Variants in NR2E3 observed in about 807,000 individuals in gnomAD.
NR2E3 encodes photoreceptor-specific nuclear receptor.
Under a neutral mutation model 37.6 loss-of-function variants are expected in NR2E3, and 38 were observed. That is an observed-to-expected ratio of 1.01 (90% CI 0.78 to 1.33). The LOEUF (loss-of-function observed/expected upper bound fraction) is 1.33. NR2E3 is among the 40% of genes most tolerant of loss of function. NR2E3 has a pLI of 0.00. For missense variants in NR2E3, 562 were observed against 558.7 expected (o/e 1.01, Z -0.06); for synonymous variants, 235 against 225.1 (o/e 1.04, Z -0.39).
In NR2E3 at chr15:71,811,102, G is replaced by C. The variant is rs2054175074; in HGVS notation, c.118+241G>C. On this transcript the variant is annotated intron_variant, in intron 1 of 7. Coordinates refer to ENST00000617575, the MANE Select transcript of NR2E3 (RefSeq NM_014249.4). The surrounding 1 kb of genome is among the most constrained non-coding windows in gnomAD (Gnocchi z 5.6). ...CAGGACAGCCTAGCCGATGGGGAAGGAAAGAACAGAGAAGCGCCCTTAGGG... is the reference window on the plus strand; with the variant it reads ...CAGGACAGCCTAGCCGATGGGGAAGCAAAGAACAGAGAAGCGCCCTTAGGG... Among the ~76,000 whole-genome samples, 2 of 152,168 alleles carry C rather than the reference G, an allele frequency of 1.3e-5. No individual in the cohort carries two copies. The highest frequency in any genetic ancestry group is 1.3e-4 in the Admixed American group (2 of 15,284).
chr15:71,811,815 CAGTGCCAGGCCTGCCGGCTGAAGA>C lies in NR2E3; in HGVS notation c.302_325del (p.Gln101_Cys108del), dbSNP rs766232933. 6.4e-7 allele frequency: 1 copy of C among 1,551,422 alleles called. No homozygotes were observed. The highest frequency in any genetic ancestry group is 8.7e-7 in the Non-Finnish European group (1 of 1,147,056). Reference sequence around the variant, plus strand: ...CCCCGTGGACAAGGCCCACCGCAACCAGTGCCAGGCCTGCCGGCTGAAGAAGTGCCTGCAGGCGGGGATGAACCA... The same window carrying C: ...CCCCGTGGACAAGGCCCACCGCAACCAGTGCCTGCAGGCGGGGATGAACCA... On this transcript the variant is annotated inframe_deletion, in exon 3 of 8. Transcript: ENST00000617575. This position sits in a 1 kb window ranked among gnomAD's most constrained non-coding sequence, Gnocchi z 5.6.
chr15:71,814,681 G>C, intron 7 of NR2E3: 1 of 986,186 alleles, frequency 1.0e-6, no homozygotes. Flanking sequence ...GGGAGGCAGA[G>C]GGCAGCTACT....
intron 7 of NR2E3, among the ~76,000 whole-genome samples, chr15:71,815,808 C>CT (rs1404145824): frequency 6.6e-6 from 1 of 152,092 alleles, no homozygotes; most frequent in Non-Finnish European, 1.5e-5. Flanking sequence ...TTTCTCTTTT[C>CT]TTTTTTTGAA....
intron 7 of NR2E3, 34 bp downstream of exon 7, chr15:71,814,151 C>G (rs1396111309): frequency 6.3e-7 from 1 of 1,594,074 alleles, no homozygotes; most frequent in Non-Finnish European, 8.5e-7. Flanking sequence ...ACTCATCTGT[C>G]CCTGACCTCT....
Position 71,810,756 on chromosome 15 carries a change from C to A in NR2E3, c.13C>A (p.Pro5Thr). 2 of 1,571,230 alleles carry A rather than the reference C, an allele frequency of 1.3e-6. No individual in the cohort carries two copies. The highest frequency in any genetic ancestry group is 1.7e-6 in the Non-Finnish European group (2 of 1,158,870). METR[P>T]TALMSSTVAA... is the part of the protein sequence containing the mutation. ...TGCCCTGTAACCCATGGAGACCAGA[C>A]CAACAGCTCTGATGAGCTCCACAGT... The change falls in exon 1 of 8, where the codon CCA becomes ACA. Residue 5 changes from proline (P) to threonine (T), a missense_variant. By Grantham distance (38) the Pro-to-Thr change is conservative. Transcript: ENST00000617575.
Position 71,812,039 on chromosome 15 carries a change from C to T in NR2E3, c.434C>T (p.Ser145Phe). The change falls in exon 4 of 8, where the codon TCC becomes TTC. Residue 145 changes from serine to phenylalanine, a missense_variant. By Grantham distance (155) the Ser-to-Phe change is radical (BLOSUM62 -2). Transcript: ENST00000617575. ...TCCAACACTGAGTCCCGGCCGGAGT[C>T]CCTGGTGGCTCCCCCGGCCCCGGCA... The part of the protein sequence containing the change: ...MESNTESRPE[S>F]LVAPPAPAGR... The T allele has an allele frequency of 1.9e-6, 3 of 1,554,286 alleles. No homozygotes were observed. The highest frequency in any genetic ancestry group is 2.6e-6 in the Non-Finnish European group (3 of 1,149,094).
intron 7 of NR2E3, among the ~76,000 whole-genome samples, chr15:71,816,033 C>G (rs927521839): frequency 2.6e-5 from 4 of 152,266 alleles, no homozygotes; most frequent in Admixed American, 2.6e-4. Context: ...AAAGGAAGGC[C>G]TTAGGTTGGC....
At position 71,811,533 on chromosome 15, in the gene NR2E3, A is replaced by G; in HGVS notation, c.169A>G (p.Lys57Glu). Residue 57 changes from lysine (K) to glutamate (E), a missense_variant, in exon 2 of 8, where the codon AAG (lysine) becomes GAG (glutamate). Physicochemically the swap from Lys to Glu is moderately conservative, Grantham distance 56. Coordinates refer to ENST00000617575, the MANE Select transcript of NR2E3 (RefSeq NM_014249.4). The surrounding 1 kb of genome is among the most constrained non-coding windows in gnomAD (Gnocchi z 5.6). The stretch of plus-strand genomic sequence containing the variant: ...CGTGTGCGGAGACAGCAGCAGCGGG[A>G]AGCACTATGGCATCTATGCCTGCAA... ...CRVCGDSSSG[K>E]HYGIYACNGC... 1 of 1,586,176 alleles carries G rather than the reference A, an allele frequency of 6.3e-7. No individual in the cohort carries two copies. The highest frequency in any genetic ancestry group is 8.6e-7 in the Non-Finnish European group (1 of 1,166,720).
In NR2E3 at chr15:71,811,197, C is replaced by T. The variant is rs1302617911; in HGVS notation, c.119-286C>T. Reference sequence around the variant, plus strand: ...TGTGGGATGATGGAGCCTGAAGCCACCCACAGAGAAGGGATGGGAGCTGGG... The same window carrying T: ...TGTGGGATGATGGAGCCTGAAGCCATCCACAGAGAAGGGATGGGAGCTGGG... On this transcript the variant is annotated intron_variant, in intron 1 of 7. Transcript: ENST00000617575. The surrounding 1 kb of genome is among the most constrained non-coding windows in gnomAD (Gnocchi z 5.6). Among the ~76,000 whole-genome samples the T allele has an allele frequency of 6.6e-6, 1 of 152,046 alleles. No individual in the cohort carries two copies. The highest frequency in any genetic ancestry group is 2.4e-5 in the African/African-American group (1 of 41,380).
Position 71,811,297 on chromosome 15 carries a change from G to T in NR2E3, c.119-186G>T, listed in dbSNP as rs1055935690. Among the ~76,000 whole-genome samples the T allele has an allele frequency of 2.6e-5, 4 of 152,148 alleles. No individual in the cohort carries two copies. The highest frequency in any genetic ancestry group is 4.4e-5 in the Non-Finnish European group (3 of 68,010). On this transcript the variant is annotated intron_variant, in intron 1 of 7. Coordinates refer to ENST00000617575, the MANE Select transcript of NR2E3 (RefSeq NM_014249.4). This position sits in a 1 kb window ranked among gnomAD's most constrained non-coding sequence, Gnocchi z 5.6. ...GGAGAGAGGGCAAGGAATGGGGGTG[G>T]GGGCTGGGGTGTGGATGCACAGTGA... is the stretch of plus-strand genomic sequence containing the variant.
At chr15:71,812,657 G>C in intron 5 of NR2E3, 146 bp downstream of exon 5, 1 of 716,750 alleles carries the variant, frequency 1.4e-6, no homozygotes, top group African/African-American at 1.8e-5. Context: ...ACATACCTCT[G>C]ATTCAGCGAT....
Position 71,817,920 on chromosome 15 carries a change from A to T in NR2E3, c.*236A>T, listed in dbSNP as rs990695847. On this transcript the variant is annotated 3_prime_UTR_variant, in exon 8 of 8. Transcript: ENST00000617575. ...ATATTCATATAATGAAAAATAATTT[A>T]AAAAGAATGAATTACGGATACATGT... 6 of 338,790 alleles carry T rather than the reference A, an allele frequency of 1.8e-5. No individual in the cohort carries two copies. In the Admixed American group the frequency reaches 2.1e-4, roughly 12 times the overall value. The allele number at this position is 338,790 out of a possible 1,614,324, so 21.0% of individuals were successfully genotyped here.
At chr15:71,814,438 T>A (rs1461049913) in intron 7 of NR2E3, 1 of 1,107,460 alleles carries the variant, frequency 9.0e-7, no homozygotes, top group Non-Finnish European at 1.1e-6. Flanking sequence ...TAAAGCAGAA[T>A]TGGGAGGGAC....
At position 71,812,405 on chromosome 15, in the gene NR2E3, C is replaced by A. The variant is rs749050219; in HGVS notation, c.641C>A (p.Pro214His). ...FPSSPYSSSSPCGLDSIHETS... is the reference protein window; with the variant it reads ...FPSSPYSSSSHCGLDSIHETS... The stretch of plus-strand genomic sequence containing the variant: ...TCCTCTCCATACTCCTCTTCCTCCC[C>A]CTGCGGCCTGGACAGCATCCATGAG... The change falls in exon 5 of 8, where the codon CCC (proline) becomes CAC (histidine). Residue 214 changes from proline (P) to histidine (H), a missense_variant. By Grantham distance (77) the Pro-to-His change is moderately conservative (BLOSUM62 -2). Coordinates refer to ENST00000617575, the MANE Select transcript of NR2E3 (RefSeq NM_014249.4). 1 of 1,613,850 alleles carries A rather than the reference C, an allele frequency of 6.2e-7. No individual in the cohort carries two copies. The highest frequency in any genetic ancestry group is 8.5e-7 in the Non-Finnish European group (1 of 1,179,876).
chr15:71,815,138 G>T (rs1295760438), intron 7 of NR2E3, among the ~76,000 whole-genome samples: 1 of 152,160 alleles, frequency 6.6e-6, no homozygotes, highest in Non-Finnish European at 1.5e-5. Flanking sequence ...GGACTACGCT[G>T]TTTGGCCCAG....
intron 7 of NR2E3, 23 bp downstream of exon 7, chr15:71,814,140 C>T (rs374409457): frequency 8.7e-6 from 14 of 1,602,338 alleles, no homozygotes; most frequent in African/African-American, 5.3e-5. Context: ...TGCGCCCACC[C>T]ACTCATCTGT....
At position 71,817,775 on chromosome 15, in the gene NR2E3, T is replaced by C. The variant is rs184461716; in HGVS notation, c.*91T>C. ...TACTCTTTGCCCCAGCAATTCCTCG[T>C]AGGTGTGTGTACCCAGCAGAAATGC... On this transcript the variant is annotated 3_prime_UTR_variant, in exon 8 of 8. Coordinates refer to ENST00000617575, the MANE Select transcript of NR2E3 (RefSeq NM_014249.4). 43 of 1,250,914 alleles carry C rather than the reference T, an allele frequency of 3.4e-5. No homozygotes were observed. The Admixed American group carries it at 8.5e-4, about 25-fold the overall frequency. 77.5% of individuals were successfully genotyped at this position (1,250,914 alleles called of 1,614,324 possible).
rs776925513 is a variant in NR2E3 at position 71,817,623 on chromosome 15, T to C, written c.1172T>C (p.Phe391Ser). The C allele has an allele frequency of 2.5e-6, 4 of 1,610,770 alleles. No individual in the cohort carries two copies. Among genetic ancestry groups the C allele is most frequent in the Non-Finnish European group, 3.4e-6 (4 of 1,177,260 alleles). ...GCGGAACGCATCGAGCTCCTCTTTT[T>C]CCGCAAGACCATAGGGAATACTCCA... is the stretch of plus-strand genomic sequence containing the variant. Reference protein sequence around the residue: ...ITAERIELLFFRKTIGNTPME... With the variant: ...ITAERIELLFSRKTIGNTPME... Residue 391 changes from phenylalanine (F) to serine (S), a missense_variant, in exon 8 of 8, where the codon TTC becomes TCC. By Grantham distance (155) the Phe-to-Ser change is radical. Coordinates refer to ENST00000617575, the MANE Select transcript of NR2E3 (RefSeq NM_014249.4).
At position 71,813,407 on chromosome 15, in the gene NR2E3, G is replaced by T; in HGVS notation, c.766G>T (p.Ala256Ser). Reference sequence around the variant, plus strand: ...AGCACAGGTGATCCTGCTGGAAGAGGCGTGGAGTGAACTCTTTCTCCTCGG... The same window carrying T: ...AGCACAGGTGATCCTGCTGGAAGAGTCGTGGAGTGAACTCTTTCTCCTCGG... ...FRDQVILLEE[A>S]WSELFLLGAI... The change falls in exon 6 of 8, where the codon GCG becomes TCG. Residue 256 changes from alanine (A) to serine (S), a missense_variant. Ala to Ser is a moderately conservative substitution (Grantham distance 99). Coordinates refer to ENST00000617575, the MANE Select transcript of NR2E3 (RefSeq NM_014249.4). The surrounding 1 kb of genome is among the most constrained non-coding windows in gnomAD (Gnocchi z 4.7). 6.2e-7 allele frequency: 1 copy of T among 1,611,746 alleles called. No individual in the cohort carries two copies. The highest frequency in any genetic ancestry group is 8.5e-7 in the Non-Finnish European group (1 of 1,179,046).
Sources: gnomAD v4.1 joint callset for allele counts (sites outside exome capture counted in the v4.1 genomes callset) on GRCh38, gnomAD v4.1.1 for gene constraint, Gnocchi (gnomAD v3.1) non-coding constraint, MANE v1.5 for transcripts, NCBI Gene and HGNC (gene_info 2026-07-23, HGNC 2026-07-21) for gene names.